The following CINP variants were observed in gnomAD, a reference collection of about 807,000 sequenced individuals.
CINP encodes the protein cyclin dependent kinase 2 interacting protein.
In CINP, 11 loss-of-function variants were observed where a neutral mutation model predicts 20.5. That is an observed-to-expected ratio of 0.54 (90% CI 0.34 to 0.89). The LOEUF (loss-of-function observed/expected upper bound fraction) is 0.89. Among genes scored for constraint, CINP ranks in the 40% least tolerant of loss-of-function variants. CINP has a pLI of 0.02. For synonymous variants in CINP, 108 were observed against 102.1 expected (o/e 1.06, Z -0.35); for missense variants, 213 against 251.0 (o/e 0.85, Z 1.02).
chr14:102,355,165 C>G (rs1414963490), intron 3 of CINP, among the ~76,000 whole-genome samples: 1 of 152,000 alleles, frequency 6.6e-6, no homozygotes, highest in Non-Finnish European at 1.5e-5. Flanking sequence ...GCTGTTTAGT[C>G]CTATGTGGCA....
chr14:102,355,988 A>G, intron 2 of CINP, 91 bp from the exon 3 acceptor site: 1 of 1,331,002 alleles, frequency 7.5e-7, no homozygotes, highest in Non-Finnish European at 1.0e-6. Flanking sequence ...CTATATCCAC[A>G]TAGTTACGTG....
rs1416173510 is a variant in CINP, at chr14:102,355,736, GACC to G, written c.306+29_306+31del. ...TACGTCCATCGGATTCAGTGACAGTGACCACAAGTGGCCTGCGTCTTTATGTCT... is the reference window on the plus strand; with the variant it reads ...TACGTCCATCGGATTCAGTGACAGTGACAAGTGGCCTGCGTCTTTATGTCT... On this transcript the variant is annotated intron_variant, in intron 3 of 4. Coordinates refer to ENST00000216756, the MANE Select transcript of CINP (RefSeq NM_032630.3). 7 of 1,610,672 alleles carry G rather than the reference GACC, an allele frequency of 4.3e-6. No individual in the cohort carries two copies. In the South Asian group the frequency reaches 6.6e-5, roughly 15 times the overall value.
At chr14:102,350,124 A>G in intron 3 of CINP, 76 bp from the exon 4 acceptor site, 1 of 1,370,098 alleles carries the variant, frequency 7.3e-7, no homozygotes, top group Non-Finnish European at 1.0e-6. Context: ...CTAAGATTTC[A>G]AAGCTAAGAA....
Position 102,355,996 on chromosome 14 carries a change from G to A in CINP, c.177-99C>T, listed in dbSNP as rs972552946. On this transcript the variant is annotated intron_variant, in intron 2 of 4. Transcript: ENST00000216756. ...CAAACCTCTATATCCACATAGTTAC[G>A]TGGGACATTTTGCATAAGCATTGTT... The A allele has an allele frequency of 2.5e-5, 31 of 1,262,716 alleles. No individual in the cohort carries two copies. In the South Asian group the frequency reaches 2.5e-4, roughly 10 times the overall value. 78.2% of individuals were successfully genotyped at this position (1,262,716 alleles called of 1,614,324 possible).
At chr14:102,357,354 C>G (rs954087693) in intron 2 of CINP, among the ~76,000 whole-genome samples, 3 of 139,232 alleles carry the variant, frequency 2.2e-5, no homozygotes, top group African/African-American at 8.1e-5. Flanking sequence ...TGCACTCCAG[C>G]CTGAGCGACA....
chr14:102,361,448 G>C lies in CINP; in HGVS notation c.7+1397C>G, dbSNP rs142892788. Among the ~76,000 whole-genome samples the C allele has an allele frequency of 4.8e-3, 723 of 152,206 alleles. 20 individuals are homozygous for C. Among genetic ancestry groups the C allele is most frequent in the Admixed American group, 0.042 (639 of 15,272 alleles). On this transcript the variant is annotated intron_variant, in intron 1 of 4. Coordinates refer to ENST00000216756, the MANE Select transcript of CINP (RefSeq NM_032630.3). ...AGGTCAGGAGATCGAGACCATCCTG[G>C]CTAACACAGTGAAACCTCATCTCTA...
intron 1 of CINP, among the ~76,000 whole-genome samples, chr14:102,360,021 C>T (rs893417661): frequency 2.0e-5 from 3 of 152,122 alleles, no homozygotes; most frequent in African/African-American, 7.2e-5. Context: ...TAGCGTGGCC[C>T]ATGAGTGCTA....
chr14:102,353,413 G>A (rs941869229), intron 3 of CINP, among the ~76,000 whole-genome samples: 1 of 152,158 alleles, frequency 6.6e-6, no homozygotes, highest in Admixed American at 6.5e-5. Context: ...AGTGGCTCAC[G>A]CCTGGAATCC....
At chr14:102,360,490 G>C (rs894292684) in intron 1 of CINP, among the ~76,000 whole-genome samples, 2 of 152,176 alleles carry the variant, frequency 1.3e-5, no homozygotes, top group African/African-American at 4.8e-5. Flanking sequence ...ACAACAGCTG[G>C]ATGGTTTGAT....
chr14:102,358,563 T>G (rs1219046900), intron 2 of CINP, among the ~76,000 whole-genome samples: 2 of 151,954 alleles, frequency 1.3e-5, no homozygotes. Flanking sequence ...TATCTGTAAT[T>G]CTAGCTACTC....
Position 102,348,770 on chromosome 14 carries a change from C to T in CINP, c.437-11G>A, listed in dbSNP as rs368249060. The T allele has an allele frequency of 8.1e-6, 13 of 1,610,106 alleles. No homozygotes were observed. The highest frequency in any genetic ancestry group is 6.7e-5 in the Admixed American group (4 of 59,596). On this transcript the variant is annotated splice_polypyrimidine_tract_variant and intron_variant, in intron 4 of 4. Coordinates refer to ENST00000216756, the MANE Select transcript of CINP (RefSeq NM_032630.3). ...TATGCGAAACCTCATCTGAAAGAAA[C>T]GTGAATCTCCCTTAATGGCAGTGAT...
At position 102,355,811 on chromosome 14, in the gene CINP, A is replaced by G. The variant is rs370092481; in HGVS notation, c.263T>C (p.Leu88Pro). ...CTGCAGTTCCTCACACAGCTTCTCC[A>G]GTTCCTCGTTATATTCCAGACACAC... ...EKVCLEYNEE[L>P]EKLCEELQAT... Residue 88 changes from leucine to proline, a missense_variant, in exon 3 of 5, where the codon CTG becomes CCG. Leu to Pro is a moderately conservative substitution (Grantham distance 98). Coordinates refer to ENST00000216756, the MANE Select transcript of CINP (RefSeq NM_032630.3). 3.1e-6 allele frequency: 5 copies of G among 1,614,054 alleles called. No homozygotes were observed. The African/African-American group carries it at 6.7e-5, about 22-fold the overall frequency.
chr14:102,359,523 C>T lies in CINP; in HGVS notation c.72G>A (p.Lys24=), dbSNP rs1887087225. 3.1e-6 allele frequency: 5 copies of T among 1,613,106 alleles called. No individual in the cohort carries two copies. Among genetic ancestry groups the T allele is most frequent in the Non-Finnish European group, 3.4e-6 (4 of 1,179,550 alleles). ...PVLSVSARKI[K]DNAADWHNLI... Reference sequence around the variant, plus strand: ...AATTGTGCCAATCAGCCGCATTGTCCTTAATTTTTCTTGCACTGACAGATA... The same window carrying T: ...AATTGTGCCAATCAGCCGCATTGTCTTTAATTTTTCTTGCACTGACAGATA... Residue 24 remains lysine (K), a synonymous_variant, in exon 2 of 5, where the codon AAG becomes AAA. Coordinates refer to ENST00000216756, the MANE Select transcript of CINP (RefSeq NM_032630.3).
intron 2 of CINP, among the ~76,000 whole-genome samples, chr14:102,357,559 T>C (rs1359317392): frequency 7.9e-5 from 12 of 152,194 alleles, no homozygotes; most frequent in Non-Finnish European, 1.8e-4. Flanking sequence ...AAAGTTTGAG[T>C]GGTCTGGATA....
chr14:102,355,684 A>C, intron 3 of CINP, 84 bp downstream of exon 3: 2 of 1,484,258 alleles, frequency 1.3e-6, no homozygotes, highest in Non-Finnish European at 1.9e-6. Context: ...GGAGTAAGTG[A>C]TGGCCAATGG....
intron 3 of CINP, among the ~76,000 whole-genome samples, chr14:102,353,193 A>C (rs1361606289): frequency 6.6e-6 from 1 of 151,922 alleles, no homozygotes; most frequent in Non-Finnish European, 1.5e-5. Context: ...CACGCAGAAT[A>C]ATTCCAAATA....
intron 1 of CINP, among the ~76,000 whole-genome samples, chr14:102,361,918 C>T (rs1052457324): frequency 6.6e-6 from 1 of 152,186 alleles, no homozygotes. Context: ...ATATGTGGTA[C>T]ACCCTATAAT....
chr14:102,359,624 G>A (rs542293766), intron 1 of CINP, 37 bp from the exon 2 acceptor site: 1 of 1,510,744 alleles, frequency 6.6e-7, no homozygotes, highest in East Asian at 2.3e-5. Flanking sequence ...TATTATCATG[G>A]AATATACAAT....
At chr14:102,357,786 C>A (rs1274246617) in intron 2 of CINP, among the ~76,000 whole-genome samples, 4 of 152,200 alleles carry the variant, frequency 2.6e-5, no homozygotes, top group Non-Finnish European at 5.9e-5. Context: ...GAAGCTGGAG[C>A]AAGTTATCCA....
Sources: gnomAD v4.1 joint callset for allele counts (sites outside exome capture counted in the v4.1 genomes callset) on GRCh38, gnomAD v4.1.1 for gene constraint, MANE v1.5 for transcripts, NCBI Gene and HGNC (gene_info 2026-07-23, HGNC 2026-07-21) for gene names.